Variants in VPS13D observed in about 807,000 individuals in gnomAD.
VPS13D encodes vacuolar protein sorting 13 homolog D, also known as intermembrane lipid transfer protein VPS13D.
Under a neutral mutation model 461.9 loss-of-function variants are expected in VPS13D, and 187 were observed. The ratio of observed to expected loss-of-function variants is 0.40; its 90% CI spans 0.36 to 0.46. The LOEUF is 0.46. Among genes scored for constraint, VPS13D ranks in the 20% least tolerant of loss-of-function variants. VPS13D has a pLI of 0.60. For missense variants in VPS13D, 4,711 were observed against 5,364.9 expected (o/e 0.88, Z 3.81); for synonymous variants, 1,951 against 1,986.3 (o/e 0.98, Z 0.47).
intron 17 of VPS13D, among the ~76,000 whole-genome samples, chr1:12,272,479 C>G (rs568219193): frequency 6.7e-6 from 1 of 150,336 alleles, no homozygotes; most frequent in African/African-American, 2.4e-5. Flanking sequence ...AAAGAGGTTT[C>G]TTTTTGGTAA....
At chr1:12,373,704 C>A in intron 54 of VPS13D, 46 bp from the exon 55 acceptor site, 2 of 1,149,546 alleles carry the variant, frequency 1.7e-6, no homozygotes, top group Non-Finnish European at 1.1e-6. Context: ...TGTGTGTATA[C>A]CTGTATATAT....
intron 46 of VPS13D, among the ~76,000 whole-genome samples, chr1:12,353,705 C>G (rs1002217536): frequency 6.6e-6 from 1 of 151,934 alleles, no homozygotes; most frequent in Non-Finnish European, 1.5e-5. Flanking sequence ...CATGAGGGAA[C>G]TTTCTGGGGT....
chr1:12,318,004 A>G, intron 30 of VPS13D, 68 bp from the exon 31 acceptor site: 1 of 1,500,124 alleles, frequency 6.7e-7, no homozygotes, highest in Non-Finnish European at 9.0e-7. Context: ...TGAGCAGTAC[A>G]TTTGCAGGTT....
At chr1:12,480,528 G>A (rs1645700536) in intron 67 of VPS13D, among the ~76,000 whole-genome samples, 1 of 152,298 alleles carries the variant, frequency 6.6e-6, no homozygotes, top group South Asian at 2.1e-4. Flanking sequence ...GTCCCAGGAT[G>A]GAGCTAACTT....
chr1:12,292,683 C>G (rs1266360629), intron 23 of VPS13D, among the ~76,000 whole-genome samples: 1 of 152,120 alleles, frequency 6.6e-6, no homozygotes, highest in African/African-American at 2.4e-5. Flanking sequence ...AGGCAGTCTA[C>G]CGGCCTCGGC....
intron 24 of VPS13D, among the ~76,000 whole-genome samples, chr1:12,296,625 A>G (rs1642285444): frequency 6.6e-6 from 1 of 152,160 alleles, no homozygotes; most frequent in South Asian, 2.1e-4. Flanking sequence ...TCTTATGACT[A>G]ATGCTTCCAT....
chr1:12,454,388 T>C (rs923654581), intron 65 of VPS13D, among the ~76,000 whole-genome samples: 3 of 152,142 alleles, frequency 2.0e-5, no homozygotes, highest in African/African-American at 7.2e-5. Flanking sequence ...AAGGAAGTTA[T>C]TAATTTTCAT....
chr1:12,275,426 C>A (rs1641580961), intron 18 of VPS13D, among the ~76,000 whole-genome samples: 1 of 151,820 alleles, frequency 6.6e-6, no homozygotes, highest in African/African-American at 2.4e-5. Context: ...AATAAAAGAA[C>A]ATTCCAGTGG....
chr1:12,467,133 G>A (rs1645495160), intron 67 of VPS13D, among the ~76,000 whole-genome samples: 1 of 152,076 alleles, frequency 6.6e-6, no homozygotes. Context: ...GTCTCACTTG[G>A]CTCTGAAATT....
rs774369781 is a variant in VPS13D at position 12,322,612 on chromosome 1, C to T, written c.7781C>T (p.Pro2594Leu). 7.4e-6 allele frequency: 12 copies of T among 1,614,076 alleles called. No individual in the cohort carries two copies. The East Asian group carries it at 2.2e-4, about 30-fold the overall frequency. Residue 2594 changes from proline to leucine, a missense_variant, in exon 34 of 70, where the codon CCA becomes CTA. Around this residue, in one of 3 missense-constraint regions of VPS13D, gnomAD observed 4,411 missense variants for 4,937.8 expected, o/e 0.89. Coordinates refer to ENST00000620676, the MANE Select transcript of VPS13D (RefSeq NM_015378.4). ...TTTCTTGCCATTGCAAAATCCATCC[C>T]AGAGCAAGCTAATGCTGCAGTGCCA... Reference protein sequence around the residue: ...QLFLAIAKSIPEQANAAVPDS... With the variant: ...QLFLAIAKSILEQANAAVPDS...
At chr1:12,261,865 GT>G (rs1641119415) in intron 12 of VPS13D, 35 bp from the exon 13 acceptor site, 12 of 1,539,170 alleles carry the variant, frequency 7.8e-6, no homozygotes, top group Non-Finnish European at 1.1e-5. Context: ...ATTCTTCCAC[GT>G]TTTTTCTTAC....
chr1:12,244,722 T>G (rs1640491622), intron 5 of VPS13D, 105 bp downstream of exon 5: 1 of 1,107,256 alleles, frequency 9.0e-7, no homozygotes, highest in Non-Finnish European at 1.3e-6. Flanking sequence ...TCAGCTGATC[T>G]AGGGTGTAGA....
chr1:12,466,298 C>A (rs1645482435), intron 67 of VPS13D, among the ~76,000 whole-genome samples: 1 of 152,042 alleles, frequency 6.6e-6, no homozygotes, highest in Non-Finnish European at 1.5e-5. Context: ...TTGAATTGAG[C>A]CTTTAGGGAA....
rs1244974855 is a variant in VPS13D, at chr1:12,502,422, G to A, written c.12795-4431G>A. 6.6e-6 allele frequency among the ~76,000 whole-genome samples: 1 copy of A among 152,064 alleles called. No homozygotes were observed. The highest frequency in any genetic ancestry group is 1.5e-5 in the Non-Finnish European group (1 of 68,008). On this transcript the variant is annotated intron_variant, in intron 68 of 69. Transcript: ENST00000620676. This position sits in a 1 kb window ranked among gnomAD's most constrained non-coding sequence, Gnocchi z 4.3. The stretch of plus-strand genomic sequence containing the variant: ...TGGGGGTGCTGAAGAGCAAGGGTTG[G>A]AGAAGGAGCATCTCCCCAGTGGACG...
At chr1:12,243,760 T>C (rs1414186725) in intron 3 of VPS13D, among the ~76,000 whole-genome samples, 1 of 152,228 alleles carries the variant, frequency 6.6e-6, no homozygotes, top group African/African-American at 2.4e-5. Context: ...CAGAATTCTT[T>C]ATTGAGAGAA....
At chr1:12,253,185 A>G (rs563331232) in intron 6 of VPS13D, among the ~76,000 whole-genome samples, 225 of 152,238 alleles carry the variant, frequency 1.5e-3, no homozygotes, top group Non-Finnish European at 2.5e-3. Flanking sequence ...ATTCTGTATA[A>G]CAATGATTTA....
At chr1:12,497,653 C>A (rs1645978599) in intron 68 of VPS13D, 22 bp downstream of exon 68, 1 of 1,605,916 alleles carries the variant, frequency 6.2e-7, no homozygotes. Flanking sequence ...CATGGGAAAC[C>A]AGCCCTGTGG....
chr1:12,266,426 G>A (rs537055330), intron 13 of VPS13D, among the ~76,000 whole-genome samples: 185 of 152,312 alleles, frequency 1.2e-3, no homozygotes, highest in African/African-American at 4.0e-3. Context: ...CAGCAACCAC[G>A]CCTTGATCAG....
intron 23 of VPS13D, among the ~76,000 whole-genome samples, chr1:12,291,653 G>T (rs905044334): frequency 2.0e-5 from 3 of 152,064 alleles, no homozygotes; most frequent in Admixed American, 2.0e-4. Flanking sequence ...CCCCAGATAG[G>T]GTATGATTGA....
Sources: gnomAD v4.1 joint callset for allele counts (sites outside exome capture counted in the v4.1 genomes callset) on GRCh38, gnomAD v4.1.1 for gene constraint, gnomAD v4.1.1 regional missense constraint, Gnocchi (gnomAD v3.1) non-coding constraint, MANE v1.5 for transcripts, NCBI Gene and HGNC (gene_info 2026-07-23, HGNC 2026-07-21) for gene names.